CBX5: variants seen among roughly 807,000 people sequenced by gnomAD.
CBX5 encodes the protein chromobox protein homolog 5.
Under a neutral mutation model 20.7 loss-of-function variants are expected in CBX5, and 7 were observed. That is an observed-to-expected ratio of 0.34 (90% CI 0.19 to 0.63). The LOEUF is 0.63. Ranked by LOEUF, CBX5 falls within the 30% of genes least tolerant of loss-of-function variation. The probability of loss-of-function intolerance (pLI) is 0.75; values close to 1 mark genes in which losing one functional copy is unlikely to be tolerated. For missense variants in CBX5, 110 were observed against 224.1 expected (o/e 0.49, Z 3.25); for synonymous variants, 78 against 77.0 (o/e 1.01, Z -0.07).
chr12:54,269,174 C>A (rs201426389), intron 1 of CBX5, among the ~76,000 whole-genome samples: 1 of 151,900 alleles, frequency 6.6e-6, no homozygotes, highest in Admixed American at 6.6e-5. Context: ...GCAGGAGAAT[C>A]GCTTGAACCC....
intron 1 of CBX5, among the ~76,000 whole-genome samples, chr12:54,275,990 CAAAAAA>C (rs55963261): frequency 4.4e-5 from 4 of 90,698 alleles, no homozygotes; most frequent in Non-Finnish European, 6.6e-5. Flanking sequence ...GACTCCATTC[CAAAAAA>C]AAAAAAAAAA....
In CBX5 at chr12:54,234,491, G is replaced by C. The variant is rs1230090374; in HGVS notation, c.*7264C>G. On this transcript the variant is annotated 3_prime_UTR_variant, in exon 5 of 5. Coordinates refer to ENST00000209875, the MANE Select transcript of CBX5 (RefSeq NM_012117.3). Reference sequence around the variant, plus strand: ...ATCACAAAAAAATAGAGAATGCCAAGATAAAAAGTTCACTGCATTCAATTT... The same window carrying C: ...ATCACAAAAAAATAGAGAATGCCAACATAAAAAGTTCACTGCATTCAATTT... The C allele has an allele frequency of 6.6e-6, 1 of 152,136 alleles. No individual in the cohort carries two copies. The highest frequency in any genetic ancestry group is 2.4e-5 in the African/African-American group (1 of 41,442). The allele number at this position is 152,136 out of a possible 1,614,324, so 9.4% of individuals were successfully genotyped here. A position where few individuals can be genotyped will look rare whatever the true frequency, so the allele number is the denominator to read the frequency against.
At chr12:54,264,330 T>C (rs1300707143) in intron 1 of CBX5, among the ~76,000 whole-genome samples, 1 of 152,194 alleles carries the variant, frequency 6.6e-6, no homozygotes, top group African/African-American at 2.4e-5. Context: ...TACATTTTTT[T>C]ATTTTTTGGT....
At chr12:54,261,210 T>C (rs1178348210) in intron 1 of CBX5, among the ~76,000 whole-genome samples, 4 of 148,766 alleles carry the variant, frequency 2.7e-5, no homozygotes, top group Non-Finnish European at 5.9e-5. Context: ...AAAAAAGAAC[T>C]CAGTTGAGAA....
At chr12:54,242,039 T>C in intron 4 of CBX5, 134 bp from the exon 5 acceptor site, 2 of 695,614 alleles carry the variant, frequency 2.9e-6, no homozygotes, top group South Asian at 3.8e-5. Flanking sequence ...AAAAGGACCC[T>C]TTCAATATTT....
At chr12:54,257,218 C>T (rs1943869605) in intron 2 of CBX5, among the ~76,000 whole-genome samples, 1 of 152,040 alleles carries the variant, frequency 6.6e-6, no homozygotes, top group Admixed American at 6.6e-5. Context: ...GGAAATTAGC[C>T]AAGGCCATCC....
chr12:54,257,381 T>G, intron 2 of CBX5, 133 bp downstream of exon 2: 1 of 807,566 alleles, frequency 1.2e-6, no homozygotes, highest in Non-Finnish European at 2.0e-6. Flanking sequence ...TCTTTACTGC[T>G]GTGTCTTCTA....
intron 3 of CBX5, among the ~76,000 whole-genome samples, chr12:54,248,712 T>C (rs1160324687): frequency 6.6e-6 from 1 of 152,088 alleles, no homozygotes; most frequent in African/African-American, 2.4e-5. Flanking sequence ...AGGAGGCGAA[T>C]GGAAGAAAAA....
chr12:54,231,592 G>A lies in CBX5; in HGVS notation c.*10163C>T, dbSNP rs1200769172. On this transcript the variant is annotated 3_prime_UTR_variant, in exon 5 of 5. Transcript: ENST00000209875. ...AGCAGAAAGAGCCCTATTGGGAAGA[G>A]GAGCTGGCTGCGCCCCTAAACTGAG... is the stretch of plus-strand genomic sequence containing the variant. 1 of 153,142 alleles carries A rather than the reference G, an allele frequency of 6.5e-6. No individual in the cohort carries two copies. Among genetic ancestry groups the A allele is most frequent in the African/African-American group, 2.4e-5 (1 of 41,480 alleles). The allele number at this position is 153,142 out of a possible 1,614,324, so 9.5% of individuals were successfully genotyped here.
At chr12:54,243,423 T>C (rs1488325149) in intron 4 of CBX5, among the ~76,000 whole-genome samples, 1 of 152,066 alleles carries the variant, frequency 6.6e-6, no homozygotes, top group Non-Finnish European at 1.5e-5. Context: ...TAGCAGGCCA[T>C]GGTGGCATGC....
intron 1 of CBX5, among the ~76,000 whole-genome samples, chr12:54,263,762 CAA>C (rs66591051): frequency 2.6e-5 from 1 of 37,890 alleles, no homozygotes. Context: ...GACTCTATCT[CAA>C]AAAAAAAAAA....
intron 3 of CBX5, among the ~76,000 whole-genome samples, chr12:54,251,741 T>A (rs953338870): frequency 1.9e-4 from 29 of 152,086 alleles, no homozygotes; most frequent in Non-Finnish European, 7.4e-5. Flanking sequence ...TCACCAATGA[T>A]CCTCCTTCTC....
In CBX5 at chr12:54,241,073, G is replaced by A. The variant is rs182919989; in HGVS notation, c.*682C>T. 2 of 152,098 alleles carry A rather than the reference G, an allele frequency of 1.3e-5. No individual in the cohort carries two copies. Among genetic ancestry groups the A allele is most frequent in the Non-Finnish European group, 2.9e-5 (2 of 68,012 alleles). The allele number at this position is 152,098 out of a possible 1,614,324, so 9.4% of individuals were successfully genotyped here. On this transcript the variant is annotated 3_prime_UTR_variant, in exon 5 of 5. Transcript: ENST00000209875. ...AGTGGGGAGTGCTAAAAGCAATACC[G>A]AAAGTCCTGGGGCTAAAAAGAGTGT...
At chr12:54,259,128 A>G (rs1943890535) in intron 1 of CBX5, 1 of 152,174 alleles carries the variant, frequency 6.6e-6, no homozygotes, top group Non-Finnish European at 1.5e-5. Context: ...GGGTTAAAAT[A>G]ATTTTTCCAT....
intron 1 of CBX5, among the ~76,000 whole-genome samples, chr12:54,279,246 T>C (rs1944103203): frequency 6.6e-6 from 1 of 152,176 alleles, no homozygotes. Context: ...CGTTCTAACA[T>C]TTTAACAGTC....
At chr12:54,275,834 C>T (rs1188643514) in intron 1 of CBX5, among the ~76,000 whole-genome samples, 2 of 151,676 alleles carry the variant, frequency 1.3e-5, no homozygotes, top group African/African-American at 2.4e-5. Flanking sequence ...GGAGAAACCC[C>T]GTCTCTACTA....
intron 1 of CBX5, among the ~76,000 whole-genome samples, chr12:54,279,633 C>A (rs569799749): frequency 6.6e-6 from 1 of 152,316 alleles, no homozygotes; most frequent in Non-Finnish European, 1.5e-5. Context: ...CCGCATTCCC[C>A]ATTGGAGTCA....
intron 4 of CBX5, 45 bp downstream of exon 4, chr12:54,246,070 C>T (rs1943732394): frequency 1.5e-6 from 2 of 1,320,346 alleles, no homozygotes; most frequent in Non-Finnish European, 1.1e-6. Flanking sequence ...ATTCAAGTCA[C>T]TGGCAAAGAA....
In CBX5 at chr12:54,240,596, A is replaced by C. The variant is rs1355381220; in HGVS notation, c.*1159T>G. On this transcript the variant is annotated 3_prime_UTR_variant, in exon 5 of 5. Coordinates refer to ENST00000209875, the MANE Select transcript of CBX5 (RefSeq NM_012117.3). ...GGTAGAAAAAGGGAAGAGCATTAAT[A>C]TTTTGGGGACTCTTGGTGGTAAATC... 2 of 152,128 alleles carry C rather than the reference A, an allele frequency of 1.3e-5. No homozygotes were observed. Among genetic ancestry groups the C allele is most frequent in the Non-Finnish European group, 2.9e-5 (2 of 68,032 alleles). 9.4% of individuals were successfully genotyped at this position (152,128 alleles called of 1,614,324 possible). A position where few individuals can be genotyped will look rare whatever the true frequency, so the allele number is the denominator to read the frequency against.
Sources: gnomAD v4.1 joint callset for allele counts (sites outside exome capture counted in the v4.1 genomes callset) on GRCh38, gnomAD v4.1.1 for gene constraint, MANE v1.5 for transcripts, NCBI Gene and HGNC (gene_info 2026-07-23, HGNC 2026-07-21) for gene names.